The following SRBD1 variants were observed in gnomAD, a reference collection of about 807,000 sequenced individuals.
SRBD1 encodes the protein S1 RNA-binding domain-containing protein 1.
Under a neutral mutation model 115.3 loss-of-function variants are expected in SRBD1, and 88 were observed. The ratio of observed to expected loss-of-function variants is 0.76; its 90% confidence interval spans 0.64 to 0.91. SRBD1 has a LOEUF of 0.91. Ranked by LOEUF, SRBD1 falls within the 40% of genes least tolerant of loss-of-function variation. The probability of loss-of-function intolerance (pLI) is 0.00; values close to 1 mark genes in which losing one functional copy is unlikely to be tolerated. For missense variants in SRBD1, 1,385 were observed against 1,177.4 expected (o/e 1.18, Z -2.58); for synonymous variants, 509 against 407.7 (o/e 1.25, Z -2.99).
At chr2:45,589,559 G>T (rs1027826123) in intron 4 of SRBD1, among the ~76,000 whole-genome samples, 31 of 152,190 alleles carry the variant, frequency 2.0e-4, no homozygotes, top group African/African-American at 7.2e-4. Context: ...CAACAGCTCA[G>T]TTATTGTTGA....
rs193106043 is a variant in SRBD1, at chr2:45,605,216, G to C, written c.80+146C>G. ...CTAGACAGAACCTGGAACACAGCAT[G>C]AGTTCAACAAATACTTGTTGCATGA... On this transcript the variant is annotated intron_variant, in intron 2 of 20. Transcript: ENST00000263736. 2.9e-5 allele frequency: 19 copies of C among 652,834 alleles called. No individual in the cohort carries two copies. The Admixed American group carries it at 4.7e-4, about 16-fold the overall frequency. 40.4% of individuals were successfully genotyped at this position (652,834 alleles called of 1,614,324 possible).
intron 6 of SRBD1, among the ~76,000 whole-genome samples, chr2:45,580,214 A>G (rs958637941): frequency 6.6e-6 from 1 of 152,064 alleles, no homozygotes; most frequent in South Asian, 2.1e-4. Context: ...TATTCTTTAT[A>G]TTTTTCTATA....
chr2:45,419,242 T>C (rs1218428676), intron 17 of SRBD1, among the ~76,000 whole-genome samples: 1 of 152,326 alleles, frequency 6.6e-6, no homozygotes, highest in East Asian at 1.9e-4. Flanking sequence ...CATGCTGCAT[T>C]AGCAGACTTG....
intron 11 of SRBD1, among the ~76,000 whole-genome samples, chr2:45,551,725 A>C (rs1672307636): frequency 6.6e-6 from 1 of 152,204 alleles, no homozygotes; most frequent in Non-Finnish European, 1.5e-5. Context: ...TCGTATGCTA[A>C]AGTAAAAAGA....
intron 16 of SRBD1, among the ~76,000 whole-genome samples, chr2:45,475,591 T>C (rs1401240319): frequency 6.6e-6 from 1 of 152,232 alleles, no homozygotes; most frequent in Non-Finnish European, 1.5e-5. Context: ...TTTCATAAAT[T>C]TGGAATCTTC....
At chr2:45,509,124 CTAAT>C (rs577337140) in intron 14 of SRBD1, among the ~76,000 whole-genome samples, 60 of 152,220 alleles carry the variant, frequency 3.9e-4, no homozygotes, top group Non-Finnish European at 8.1e-4. Context: ...AGCAACATAA[CTAAT>C]TGATATCAAG....
rs184983425 is a variant in SRBD1 at position 45,404,948 on chromosome 2, T to C, written c.2513+8166A>G. ...TGGCTCCTCTTCCTGGAACTCTTTC[T>C]CTAGATATCTGCACAGCTAACTCTT... is the stretch of plus-strand genomic sequence containing the variant. On this transcript the variant is annotated intron_variant, in intron 19 of 20. Transcript: ENST00000263736. Among the ~76,000 whole-genome samples the C allele has an allele frequency of 7.8e-4, 118 of 152,224 alleles. 4 individuals are homozygous for C. In the East Asian group the frequency reaches 0.019, roughly 24 times the overall value.
intron 16 of SRBD1, among the ~76,000 whole-genome samples, chr2:45,444,620 C>G (rs1238694319): frequency 1.3e-5 from 2 of 152,186 alleles, no homozygotes; most frequent in Admixed American, 1.3e-4. Context: ...CCACACTATA[C>G]TGGTTCAAAG....
At chr2:45,430,740 A>C (rs1668306733) in intron 16 of SRBD1, among the ~76,000 whole-genome samples, 1 of 152,232 alleles carries the variant, frequency 6.6e-6, no homozygotes, top group Non-Finnish European at 1.5e-5. Flanking sequence ...ATGGGCAAAG[A>C]CTTCATGACT....
intron 10 of SRBD1, among the ~76,000 whole-genome samples, chr2:45,558,685 A>ATT (rs1214807980): frequency 0.012 from 1,101 of 89,368 alleles, 2 homozygotes; most frequent in Non-Finnish European, 0.015. Flanking sequence ...CCACACAATT[A>ATT]TTTTTTTTTT....
At chr2:45,430,632 C>T (rs1214796878) in intron 16 of SRBD1, among the ~76,000 whole-genome samples, 1 of 152,122 alleles carries the variant, frequency 6.6e-6, no homozygotes, top group Non-Finnish European at 1.5e-5. Flanking sequence ...ACATCTTATA[C>T]AAAAATTAAC....
At chr2:45,525,916 A>G (rs189269917) in intron 14 of SRBD1, among the ~76,000 whole-genome samples, 23 of 152,158 alleles carry the variant, frequency 1.5e-4, no homozygotes, top group Admixed American at 4.6e-4. Flanking sequence ...AAAAACCACA[A>G]TGATATACTA....
intron 14 of SRBD1, among the ~76,000 whole-genome samples, chr2:45,488,901 T>C (rs1332675800): frequency 2.0e-5 from 3 of 152,200 alleles, no homozygotes; most frequent in Non-Finnish European, 4.4e-5. Flanking sequence ...TCCGACTTCT[T>C]TTCAGGAGGG....
At chr2:45,496,748 T>C (rs574407196) in intron 14 of SRBD1, among the ~76,000 whole-genome samples, 2 of 152,164 alleles carry the variant, frequency 1.3e-5, no homozygotes, top group Non-Finnish European at 2.9e-5. Flanking sequence ...TACTTTCCTC[T>C]GAACTTATAC....
intron 2 of SRBD1, among the ~76,000 whole-genome samples, chr2:45,602,823 T>C (rs887059487): frequency 6.6e-6 from 1 of 151,992 alleles, no homozygotes; most frequent in Non-Finnish European, 1.5e-5. Flanking sequence ...CTGAGATGAG[T>C]GAATAGGGAA....
chr2:45,553,603 A>G lies in SRBD1; in HGVS notation c.1517+20T>C, dbSNP rs765268652. On this transcript the variant is annotated intron_variant, in intron 11 of 20. Coordinates refer to ENST00000263736, the MANE Select transcript of SRBD1 (RefSeq NM_018079.5). Reference sequence around the variant, plus strand: ...ATAACAATAATCAGTACACAAAATTAAACAAGACAAGATATATACCTGAAT... The same window carrying G: ...ATAACAATAATCAGTACACAAAATTGAACAAGACAAGATATATACCTGAAT... 1 of 1,504,374 alleles carries G rather than the reference A, an allele frequency of 6.6e-7. No individual in the cohort carries two copies. The highest frequency in any genetic ancestry group is 9.0e-7 in the Non-Finnish European group (1 of 1,113,910). 93.2% of individuals were successfully genotyped at this position (1,504,374 alleles called of 1,614,324 possible). A position where few individuals can be genotyped will look rare whatever the true frequency, so the allele number is the denominator to read the frequency against.
chr2:45,434,299 G>A (rs1668423984), intron 16 of SRBD1, among the ~76,000 whole-genome samples: 1 of 152,146 alleles, frequency 6.6e-6, no homozygotes, highest in South Asian at 2.1e-4. Flanking sequence ...GGTATCAAAT[G>A]AGTGCCCATG....
At chr2:45,430,321 A>G (rs1668293625) in intron 16 of SRBD1, among the ~76,000 whole-genome samples, 1 of 152,198 alleles carries the variant, frequency 6.6e-6, no homozygotes, top group African/African-American at 2.4e-5. Flanking sequence ...ACCAAAAAAG[A>G]GCCCATATGG....
At chr2:45,525,984 G>A (rs770743334) in intron 14 of SRBD1, among the ~76,000 whole-genome samples, 17 of 152,008 alleles carry the variant, frequency 1.1e-4, no homozygotes, top group Non-Finnish European at 2.1e-4. Flanking sequence ...GCAGGTTGTA[G>A]ATAAATCAGA....
Sources: gnomAD v4.1 joint callset for allele counts (sites outside exome capture counted in the v4.1 genomes callset) on GRCh38, gnomAD v4.1.1 for gene constraint, MANE v1.5 for transcripts, NCBI Gene and HGNC (gene_info 2026-07-23, HGNC 2026-07-21) for gene names.